The following TAF1B variants were observed in gnomAD, a reference collection of about 807,000 sequenced individuals.
TAF1B encodes TATA-box binding protein associated factor, RNA polymerase I subunit B.
A neutral mutation model predicts 83.9 loss-of-function variants in TAF1B; 61 were observed. That is an observed-to-expected ratio of 0.73 (90% confidence interval 0.59 to 0.90). The LOEUF (loss-of-function observed/expected upper bound fraction) is 0.90. Among genes scored for constraint, TAF1B ranks in the 40% least tolerant of loss-of-function variants. The pLI is 0.00. For synonymous variants in TAF1B, 221 were observed against 224.6 expected (o/e 0.98, Z 0.14); for missense variants, 625 against 677.0 (o/e 0.92, Z 0.85).
At chr2:9,926,132 GC>G (rs1287940267) in intron 14 of TAF1B, among the ~76,000 whole-genome samples, 2 of 151,724 alleles carry the variant, frequency 1.3e-5, no homozygotes, top group African/African-American at 2.4e-5. Context: ...CTACCCCTCT[GC>G]CCCCCATTAT....
rs149478670 is a variant in TAF1B, at chr2:9,878,939, G to A, written c.707+2921G>A. 7.9e-4 allele frequency among the ~76,000 whole-genome samples: 120 copies of A among 152,260 alleles called. 4 individuals are homozygous for A. The highest frequency in any genetic ancestry group is 2.8e-3 in the African/African-American group (115 of 41,558). ...ATGGTATGATAGAAAATGACTAGAT[G>A]GCTACTCTAGATTGGTTATTCGGGA... On this transcript the variant is annotated intron_variant, in intron 7 of 14. Transcript: ENST00000263663.
In TAF1B at chr2:9,892,410, G is replaced by A. The variant is rs116712853; in HGVS notation, c.807+9605G>A. Among the ~76,000 whole-genome samples the A allele has an allele frequency of 5.8e-3, 889 of 152,230 alleles. 12 individuals carry two copies. The highest frequency in any genetic ancestry group is 0.02 in the African/African-American group (823 of 41,522). ...ATTGACTGTAGTCACTCTGCTGTGCGGTAGATCTCAAAACTTGTTCCTTCT... is the reference window on the plus strand; with the variant it reads ...ATTGACTGTAGTCACTCTGCTGTGCAGTAGATCTCAAAACTTGTTCCTTCT... On this transcript the variant is annotated intron_variant, in intron 8 of 14. Transcript: ENST00000263663.
chr2:9,843,613 A>G (rs1663093052), intron 1 of TAF1B, 54 bp downstream of exon 1: 4 of 1,452,458 alleles, frequency 2.8e-6, no homozygotes, highest in Non-Finnish European at 3.6e-6. Flanking sequence ...GAGGAGAGAG[A>G]AGCTGAGGAG....
At chr2:9,852,027 C>T (rs1054090277) in intron 4 of TAF1B, 11 of 473,240 alleles carry the variant, frequency 2.3e-5, no homozygotes, top group African/African-American at 1.4e-4. Flanking sequence ...ATGTACATAA[C>T]GTCCATCAGG....
At position 9,934,103 on chromosome 2, in the gene TAF1B, CATATTTACATAT is replaced by C; in HGVS notation, c.*124_*135del. The C allele has an allele frequency of 1.3e-6, 1 of 753,646 alleles. No individual in the cohort carries two copies. Among genetic ancestry groups the C allele is most frequent in the Non-Finnish European group, 2.1e-6 (1 of 474,702 alleles). The allele number at this position is 753,646 out of a possible 1,614,324, so 46.7% of individuals were successfully genotyped here. ...GCATATATATGTATAGACTCTGACA[CATATTTACATAT>C]ATATCAAGTGTGCTTAGAAAAATGT... On this transcript the variant is annotated 3_prime_UTR_variant, in exon 15 of 15. Transcript: ENST00000263663.
rs1319705492 is a variant in TAF1B, at chr2:9,868,705, C to G, written c.553+276C>G. 3 of 576,440 alleles carry G rather than the reference C, an allele frequency of 5.2e-6. No homozygotes were observed. The Admixed American group carries it at 6.6e-5, about 13-fold the overall frequency. The allele number at this position is 576,440 out of a possible 1,614,324, so 35.7% of individuals were successfully genotyped here. On this transcript the variant is annotated intron_variant, in intron 6 of 14. Coordinates refer to ENST00000263663, the MANE Select transcript of TAF1B (RefSeq NM_005680.3). ...GGATCCAGAAAGAAGGAGGCTGCTT[C>G]AGAAAGATCTATATGTGTGGGCTCA... is the stretch of plus-strand genomic sequence containing the variant.
intron 8 of TAF1B, among the ~76,000 whole-genome samples, chr2:9,901,415 A>G (rs1665174899): frequency 6.6e-6 from 1 of 152,212 alleles, no homozygotes; most frequent in Non-Finnish European, 1.5e-5. Flanking sequence ...CTTTGTCACC[A>G]GATGTTGACT....
At chr2:9,852,837 C>T (rs1043201093) in intron 4 of TAF1B, among the ~76,000 whole-genome samples, 9 of 152,204 alleles carry the variant, frequency 5.9e-5, no homozygotes, top group African/African-American at 1.9e-4. Context: ...GAAAGATCAA[C>T]ATGGGCTGCA....
chr2:9,870,565 C>T (rs899187008), intron 6 of TAF1B, among the ~76,000 whole-genome samples: 1 of 152,148 alleles, frequency 6.6e-6, no homozygotes, highest in Non-Finnish European at 1.5e-5. Flanking sequence ...TCTTTTGTGA[C>T]TTTCATATTT....
rs547322172 is a variant in TAF1B at position 9,845,577 on chromosome 2, AT to A, written c.117+261del. On this transcript the variant is annotated intron_variant, in intron 2 of 14. Transcript: ENST00000263663. The stretch of plus-strand genomic sequence containing the variant: ...TCAGAGTATGTGGTTGAGGGAAATA[AT>A]TAAAATTGTACTTAGAAGATGATGC... The A allele has an allele frequency of 5.4e-4, 192 of 354,562 alleles. 1 individual carries two copies. The highest frequency in any genetic ancestry group is 3.5e-3 in the African/African-American group (169 of 47,630). The allele number at this position is 354,562 out of a possible 1,614,324, so 22.0% of individuals were successfully genotyped here.
rs372066648 is a variant in TAF1B, at chr2:9,856,918, A to G, written c.399+2497A>G. ...TTAGAAGCATAGTTTTCTCAAGTAT[A>G]TCCATTAAATATTTCCTTAGTGCTT... is the stretch of plus-strand genomic sequence containing the variant. On this transcript the variant is annotated intron_variant, in intron 5 of 14. Coordinates refer to ENST00000263663, the MANE Select transcript of TAF1B (RefSeq NM_005680.3). Among the ~76,000 whole-genome samples the G allele has an allele frequency of 7.9e-5, 12 of 152,354 alleles. No individual in the cohort carries two copies. In the East Asian group the frequency reaches 1.3e-3, roughly 17 times the overall value.
chr2:9,932,557 G>A (rs1666247501), intron 14 of TAF1B, among the ~76,000 whole-genome samples: 1 of 152,152 alleles, frequency 6.6e-6, no homozygotes, highest in Non-Finnish European at 1.5e-5. Flanking sequence ...TGTCCCAGGG[G>A]GCACCTGCCT....
At chr2:9,848,155 G>A (rs1007945541) in intron 2 of TAF1B, among the ~76,000 whole-genome samples, 6 of 151,954 alleles carry the variant, frequency 3.9e-5, no homozygotes, top group Admixed American at 1.3e-4. Context: ...ATTTTGACGT[G>A]TCTTATGTTT....
At chr2:9,859,414 T>G (rs1194343862) in intron 5 of TAF1B, among the ~76,000 whole-genome samples, 1 of 145,480 alleles carries the variant, frequency 6.9e-6, no homozygotes, top group Non-Finnish European at 1.5e-5. Flanking sequence ...TGAGATAGAG[T>G]GTTGCTTTGT....
chr2:9,908,541 G>A (rs1280335965), intron 9 of TAF1B, among the ~76,000 whole-genome samples: 1 of 152,106 alleles, frequency 6.6e-6, no homozygotes, highest in Non-Finnish European at 1.5e-5. Context: ...GTACATGTTT[G>A]AGTGCAAGAG....
chr2:9,922,633 A>C (rs552815851), intron 14 of TAF1B, among the ~76,000 whole-genome samples: 2 of 152,098 alleles, frequency 1.3e-5, no homozygotes, highest in African/African-American at 4.8e-5. Flanking sequence ...ATTTAATAGA[A>C]TATATTATTA....
Position 9,919,101 on chromosome 2 carries a change from T to C in TAF1B, c.1332T>C (p.Tyr444=), listed in dbSNP as rs771652643. ...YYSFVDKPVA[Y]KKREMVVNLQ... ...CATTTGTCGACAAACCAGTAGCATA[T>C]AAAAAAAGAGGTAAGTCAAATTTTG... Residue 444 remains tyrosine (Y), a synonymous_variant, in exon 13 of 15, where the codon TAT becomes TAC. Transcript: ENST00000263663. The C allele has an allele frequency of 6.2e-7, 1 of 1,613,730 alleles. No homozygotes were observed. Among genetic ancestry groups the C allele is most frequent in the South Asian group, 1.1e-5 (1 of 91,044 alleles).
chr2:9,859,530 A>T (rs1257794083), intron 5 of TAF1B, among the ~76,000 whole-genome samples: 1 of 151,718 alleles, frequency 6.6e-6, no homozygotes, highest in African/African-American at 2.4e-5. Context: ...GGGACTATAG[A>T]TGCATGCCAC....
At chr2:9,886,842 G>A (rs112505893) in intron 8 of TAF1B, among the ~76,000 whole-genome samples, 10,256 of 152,268 alleles carry the variant, frequency 0.067, 417 homozygotes, top group East Asian at 0.17. Context: ...CGAGGCAGGC[G>A]GATCGCGAGG....
Sources: allele counts gnomAD v4.1 joint callset (sites outside exome capture counted in the v4.1 genomes callset), GRCh38; gene constraint gnomAD v4.1.1; transcripts MANE v1.5; gene names NCBI Gene and HGNC (gene_info 2026-07-23, HGNC 2026-07-21).